The following CCDC192 variants were observed in gnomAD, a reference collection of about 807,000 sequenced individuals.
CCDC192 encodes coiled-coil domain-containing protein 192.
intron 6 of CCDC192, among the ~76,000 whole-genome samples, chr5:127,895,575 C>T (rs567628603): frequency 6.6e-6 from 1 of 152,316 alleles, no homozygotes; most frequent in East Asian, 1.9e-4. Context: ...TGTGGTAACT[C>T]ACTCCTGTAA....
At chr5:127,846,862 A>T in intron 5 of CCDC192, among the ~76,000 whole-genome samples, 1 of 146,306 alleles carries the variant, frequency 6.8e-6, no homozygotes, top group South Asian at 2.2e-4. Context: ...AACATCAGTG[A>T]TTCCTCCCTT....
chr5:127,885,080 G>T (rs1377310601), intron 6 of CCDC192, among the ~76,000 whole-genome samples: 2 of 150,064 alleles, frequency 1.3e-5, no homozygotes, highest in Admixed American at 6.7e-5. Context: ...CCTTCCTTCT[G>T]TCCATTCCTT....
chr5:127,704,710 A>G (rs1750860753), intron 1 of CCDC192, among the ~76,000 whole-genome samples: 1 of 152,164 alleles, frequency 6.6e-6, no homozygotes, highest in Non-Finnish European at 1.5e-5. Context: ...AAAGCTAATG[A>G]AATTTAGCAA....
rs35102491 is a variant in CCDC192 at position 127,875,520 on chromosome 5, A to ATT, written c.412-5_412-4dup. ...TCTGTCCCTAGTGATGGAAACTCTT[A>ATT]TTTTTTTTTTTTTTAAGAAACTAAA... is the stretch of plus-strand genomic sequence containing the variant. On this transcript the variant is annotated splice_polypyrimidine_tract_variant and intron_variant, in intron 5 of 6. Coordinates refer to ENST00000514853, the MANE Select transcript of CCDC192 (RefSeq NM_001317938.2). 11 of 367,926 alleles carry ATT rather than the reference A, an allele frequency of 3.0e-5. No homozygotes were observed. Among genetic ancestry groups the ATT allele is most frequent in the South Asian group, 1.4e-4 (1 of 7,398 alleles). The allele number at this position is 367,926 out of a possible 1,614,324, so 22.8% of individuals were successfully genotyped here. A position where few individuals can be genotyped will look rare whatever the true frequency, so the allele number is the denominator to read the frequency against.
chr5:127,820,662 A>T (rs1314329668), intron 5 of CCDC192, among the ~76,000 whole-genome samples: 6 of 152,174 alleles, frequency 3.9e-5, no homozygotes, highest in Non-Finnish European at 8.8e-5. Flanking sequence ...TATGTTAACG[A>T]TACATACTTT....
intron 2 of CCDC192, among the ~76,000 whole-genome samples, chr5:127,736,834 G>A (rs1259102538): frequency 2.0e-5 from 3 of 148,822 alleles, no homozygotes; most frequent in African/African-American, 7.5e-5. Context: ...TTCTTTATTA[G>A]TCTTGCTAGC....
chr5:127,754,250 A>T lies in CCDC192; in HGVS notation c.115-18A>T, dbSNP rs1446850498. The T allele has an allele frequency of 5.2e-5, 17 of 327,304 alleles. No homozygotes were observed. The highest frequency in any genetic ancestry group is 4.6e-5 in the East Asian group (1 of 21,710). 20.3% of individuals were successfully genotyped at this position (327,304 alleles called of 1,614,324 possible). On this transcript the variant is annotated intron_variant, in intron 2 of 6. Transcript: ENST00000514853. ...TATCCATGTCAAAAAGTAATACTTG[A>T]TTTTTTTTTTTTTAAAGAAAGCGTC...
chr5:127,932,153 CAA>C (rs571133232), intron 6 of CCDC192, among the ~76,000 whole-genome samples: 16 of 72,258 alleles, frequency 2.2e-4, no homozygotes, highest in Middle Eastern at 9.8e-3. Context: ...GACTCCGTCT[CAA>C]AAAAAAAAAA....
intron 2 of CCDC192, among the ~76,000 whole-genome samples, chr5:127,743,337 T>G (rs765796996): frequency 6.6e-6 from 1 of 152,206 alleles, no homozygotes; most frequent in Non-Finnish European, 1.5e-5. Context: ...GTTGGTTCCT[T>G]TAATCTTACC....
chr5:127,745,460 T>G (rs1753688118), intron 2 of CCDC192, among the ~76,000 whole-genome samples: 1 of 152,184 alleles, frequency 6.6e-6, no homozygotes, highest in Non-Finnish European at 1.5e-5. Flanking sequence ...TCAACATCCA[T>G]GCATAATAAT....
rs1043911645 is a variant in CCDC192 at position 127,793,203 on chromosome 5, T to TG, written c.223-3898dup. 8.5e-5 allele frequency among the ~76,000 whole-genome samples: 13 copies of TG among 152,316 alleles called. 1 individual carries two copies. Among genetic ancestry groups the TG allele is most frequent in the Admixed American group, 5.9e-4 (9 of 15,300 alleles). ...CCAAGGTTATAGAGTCAGTGAGTTG[T>TG]GGAATTAAGACTAAAACATAGATAT... is the stretch of plus-strand genomic sequence containing the variant. On this transcript the variant is annotated intron_variant, in intron 3 of 6. Transcript: ENST00000514853.
At chr5:127,848,625 C>G (rs1009910823) in intron 5 of CCDC192, among the ~76,000 whole-genome samples, 2 of 152,198 alleles carry the variant, frequency 1.3e-5, no homozygotes, top group South Asian at 2.1e-4. Flanking sequence ...TCTTCTGTGC[C>G]TTAGTTTCCT....
chr5:127,838,345 A>C (rs1446003342), intron 5 of CCDC192: 1 of 152,238 alleles, frequency 6.6e-6, no homozygotes, highest in Non-Finnish European at 1.5e-5. Context: ...TGTTCAACTG[A>C]AAATGGAAAG....
At chr5:127,916,291 G>A (rs931675671) in intron 6 of CCDC192, among the ~76,000 whole-genome samples, 1 of 152,154 alleles carries the variant, frequency 6.6e-6, no homozygotes, top group Non-Finnish European at 1.5e-5. Flanking sequence ...CATTTCTGCA[G>A]TTATTTTCTC....
Position 127,897,188 on chromosome 5 carries a change from C to T in CCDC192, c.535+21527C>T, listed in dbSNP as rs749221370. ...ATGACTATTATTTGATTCCATCTAA[C>T]GAACTAGATATTATATCCTACATTA... On this transcript the variant is annotated intron_variant, in intron 6 of 6. Transcript: ENST00000514853. Among the ~76,000 whole-genome samples, 110 of 151,704 alleles carry T rather than the reference C, an allele frequency of 7.3e-4. 1 individual carries two copies. The highest frequency in any genetic ancestry group is 1.3e-3 in the Non-Finnish European group (88 of 67,970).
At chr5:127,747,062 G>A (rs1371676603) in intron 2 of CCDC192, among the ~76,000 whole-genome samples, 1 of 145,756 alleles carries the variant, frequency 6.9e-6, no homozygotes, top group Non-Finnish European at 1.5e-5. Flanking sequence ...TAGGAATGCA[G>A]TTCATTCTTT....
At chr5:127,770,111 A>T (rs1755464902) in intron 3 of CCDC192, among the ~76,000 whole-genome samples, 1 of 152,090 alleles carries the variant, frequency 6.6e-6, no homozygotes, top group Admixed American at 6.6e-5. Flanking sequence ...TAGAGACTGG[A>T]CCCCACTCTT....
intron 5 of CCDC192, among the ~76,000 whole-genome samples, chr5:127,862,134 G>C (rs1751396906): frequency 6.6e-6 from 1 of 152,140 alleles, no homozygotes; most frequent in Admixed American, 6.6e-5. Context: ...AAGAAAGGAA[G>C]CTGCTATACT....
intron 6 of CCDC192, among the ~76,000 whole-genome samples, chr5:127,923,305 T>C (rs1267603676): frequency 6.6e-6 from 1 of 152,198 alleles, no homozygotes; most frequent in Non-Finnish European, 1.5e-5. Flanking sequence ...ACTCCAATTT[T>C]ACTCATAGTT....
Sources: allele counts gnomAD v4.1 joint callset (sites outside exome capture counted in the v4.1 genomes callset), GRCh38; gene constraint gnomAD v4.1.1; transcripts MANE v1.5; gene names NCBI Gene and HGNC (gene_info 2026-07-23, HGNC 2026-07-21).